Variants in CFAP61 observed in about 807,000 individuals in gnomAD.
CFAP61 encodes cilia and flagella associated protein 61.
In CFAP61, 107 loss-of-function variants were observed where a neutral mutation model predicts 135.6. That is an observed-to-expected ratio of 0.79 (90% CI 0.67 to 0.93). The LOEUF (loss-of-function observed/expected upper bound fraction) is 0.93. Ranked by LOEUF, CFAP61 falls within the 40% of genes least tolerant of loss-of-function variation. The pLI, the probability that CFAP61 is intolerant of heterozygous loss-of-function variation, is 0.00. For missense variants in CFAP61, 1,507 were observed against 1,556.2 expected (o/e 0.97, Z 0.53); for synonymous variants, 575 against 578.5 (o/e 0.99, Z 0.09).
chr20:20,342,986 G>A (rs1313369510), intron 26 of CFAP61, among the ~76,000 whole-genome samples: 7 of 151,798 alleles, frequency 4.6e-5, no homozygotes, highest in Non-Finnish European at 5.9e-5. Flanking sequence ...TCAGCCTCCC[G>A]AGTAGCTGGG....
At position 20,199,949 on chromosome 20, in the gene CFAP61, G is replaced by A. The variant is rs756851672; in HGVS notation, c.1932+47G>A. The A allele has an allele frequency of 1.2e-4, 192 of 1,603,746 alleles. No individual in the cohort carries two copies. In the East Asian group the frequency reaches 1.9e-3, roughly 15 times the overall value. ...AGGGCGGCGCGGTGCCAGCTCCCGC[G>A]GGCCTGGCAGATGGGGTGGCAGTGC... On this transcript the variant is annotated intron_variant, in intron 17 of 26. Coordinates refer to ENST00000245957, the MANE Select transcript of CFAP61 (RefSeq NM_015585.4).
intron 25 of CFAP61, among the ~76,000 whole-genome samples, chr20:20,302,177 G>A (rs1346740519): frequency 6.6e-6 from 1 of 152,166 alleles, no homozygotes; most frequent in Non-Finnish European, 1.5e-5. Context: ...ATTGATGCTT[G>A]TGTATACAGA....
chr20:20,319,182 A>G (rs1469544508), intron 25 of CFAP61, among the ~76,000 whole-genome samples: 1 of 152,154 alleles, frequency 6.6e-6, no homozygotes. Context: ...ATTGCTCCCC[A>G]TCTTCCAGGA....
intron 17 of CFAP61, chr20:20,222,069 C>T (rs1011527831): frequency 1.4e-4 from 22 of 152,274 alleles, no homozygotes; most frequent in African/African-American, 5.3e-4. Context: ...ATGCTGTTGA[C>T]TGTAAGGCTG....
chr20:20,290,303 G>A lies in CFAP61; in HGVS notation c.3128G>A (p.Gly1043Asp). 6.2e-7 allele frequency: 1 copy of A among 1,607,066 alleles called. No homozygotes were observed. Among genetic ancestry groups the A allele is most frequent in the Admixed American group, 1.7e-5 (1 of 60,006 alleles). Residue 1043 changes from glycine (G) to aspartate (D), a missense_variant, in exon 24 of 27, where the codon GGC (glycine) becomes GAC (aspartate). Gly to Asp is a moderately conservative substitution (Grantham distance 94). Coordinates refer to ENST00000245957, the MANE Select transcript of CFAP61 (RefSeq NM_015585.4). ...GAAAACTTGCCATCTCTTCTAGGGG[G>A]CATTCTTCCTGGGTCTTACCATTAT... ...PMYKGAKIQG[G>D]ILPGSYHYLH...
intron 13 of CFAP61, among the ~76,000 whole-genome samples, chr20:20,180,934 T>C (rs2055018861): frequency 6.6e-6 from 1 of 151,968 alleles, no homozygotes; most frequent in Non-Finnish European, 1.5e-5. Context: ...ACATTCTCAC[T>C]TATAGGTGGG....
At chr20:20,170,877 TAAGG>T (rs1464456667) in intron 13 of CFAP61, among the ~76,000 whole-genome samples, 1 of 151,966 alleles carries the variant, frequency 6.6e-6, no homozygotes, top group East Asian at 1.9e-4. Context: ...GTACTAATAG[TAAGG>T]ATAATTAACA....
intron 25 of CFAP61, among the ~76,000 whole-genome samples, chr20:20,301,086 G>A (rs1393547280): frequency 1.3e-5 from 2 of 151,918 alleles, no homozygotes; most frequent in Admixed American, 6.6e-5. Context: ...TAATATCTTC[G>A]GTATTGTATG....
intron 10 of CFAP61, among the ~76,000 whole-genome samples, 197 bp from the exon 11 acceptor site, chr20:20,163,852 TA>T (rs2053603994): frequency 6.6e-6 from 1 of 152,048 alleles, no homozygotes; most frequent in Non-Finnish European, 1.5e-5. Flanking sequence ...AACTAGTTTT[TA>T]AAAACATTTT....
intron 1 of CFAP61, among the ~76,000 whole-genome samples, chr20:20,055,684 G>C (rs774561032): frequency 6.6e-6 from 1 of 152,020 alleles, no homozygotes; most frequent in African/African-American, 2.4e-5. Context: ...ATTAGTTTAT[G>C]ATATGTTTCA....
intron 25 of CFAP61, among the ~76,000 whole-genome samples, chr20:20,304,366 G>C (rs1455296744): frequency 1.3e-5 from 2 of 150,522 alleles, no homozygotes; most frequent in Admixed American, 1.3e-4. Context: ...TTTGGAAAAA[G>C]AATAGAGCCA....
rs2050937844 is a variant in CFAP61 at position 20,251,781 on chromosome 20, G to T, written c.2328+18G>T. 1.9e-6 allele frequency: 3 copies of T among 1,611,484 alleles called. No homozygotes were observed. In the East Asian group the frequency reaches 6.7e-5, roughly 36 times the overall value. ...AGTACCAGGTAAGGCCGGGCACAGG[G>T]GGCGCAAGCCACGTGTCTGGAGAGC... On this transcript the variant is annotated intron_variant, in intron 20 of 26. Transcript: ENST00000245957.
At chr20:20,078,141 C>G (rs546971835) in intron 6 of CFAP61, among the ~76,000 whole-genome samples, 1 of 152,318 alleles carries the variant, frequency 6.6e-6, no homozygotes, top group South Asian at 2.1e-4. Flanking sequence ...TTCTTAAGAT[C>G]TCTGTTTTCA....
intron 21 of CFAP61, among the ~76,000 whole-genome samples, chr20:20,275,831 TC>T (rs2053715222): frequency 6.6e-6 from 1 of 152,238 alleles, no homozygotes; most frequent in African/African-American, 2.4e-5. Context: ...GATTCATGTT[TC>T]GTAGCAGCTG....
chr20:20,192,579 G>GT (rs1292448009), intron 15 of CFAP61, among the ~76,000 whole-genome samples: 1 of 152,068 alleles, frequency 6.6e-6, no homozygotes, highest in Non-Finnish European at 1.5e-5. Flanking sequence ...CCCTCTTAGA[G>GT]TGGGAGTAGC....
chr20:20,128,387 C>T (rs187240495), intron 8 of CFAP61, among the ~76,000 whole-genome samples: 28 of 151,808 alleles, frequency 1.8e-4, no homozygotes, highest in Non-Finnish European at 1.3e-4. Context: ...CCCTATATTT[C>T]GCTCAGCTCT....
chr20:20,240,364 C>T (rs1480967764), intron 18 of CFAP61, among the ~76,000 whole-genome samples: 1 of 152,096 alleles, frequency 6.6e-6, no homozygotes, highest in Non-Finnish European at 1.5e-5. Context: ...AGTGTTGTCC[C>T]AGACAGGAGG....
chr20:20,132,403 T>G (rs1338422255), intron 8 of CFAP61, among the ~76,000 whole-genome samples: 1 of 152,120 alleles, frequency 6.6e-6, no homozygotes, highest in Admixed American at 6.6e-5. Context: ...GAACCTACTC[T>G]GTGTGTTTTT....
chr20:20,147,489 A>T (rs926127922), intron 9 of CFAP61, among the ~76,000 whole-genome samples: 1 of 152,122 alleles, frequency 6.6e-6, no homozygotes, highest in Non-Finnish European at 1.5e-5. Context: ...CATTTTCTTG[A>T]TGATTAGTGA....
Sources: allele counts gnomAD v4.1 joint callset (sites outside exome capture counted in the v4.1 genomes callset), GRCh38; gene constraint gnomAD v4.1.1; transcripts MANE v1.5; gene names NCBI Gene and HGNC (gene_info 2026-07-23, HGNC 2026-07-21).